TNRC18: variants seen among roughly 807,000 people sequenced by gnomAD.
TNRC18 encodes trinucleotide repeat-containing gene 18 protein.
Under a neutral mutation model 226.7 loss-of-function variants are expected in TNRC18, and 69 were observed. The observed-to-expected ratio is 0.30, with a 90% CI of 0.25 to 0.37. The LOEUF (loss-of-function observed/expected upper bound fraction) is 0.37, where lower values mean the gene tolerates loss of function less well. Ranked by LOEUF, TNRC18 falls within the 10% of genes least tolerant of loss-of-function variation. The pLI is 1.00. For missense variants in TNRC18, 4,754 were observed against 4,256.6 expected, an observed-to-expected ratio of 1.12 and a Z score of -3.25; for synonymous variants, 2,449 against 1,927.6, an observed-to-expected ratio of 1.27 and a Z score of -7.09.
In TNRC18 at chr7:5,309,165, C is replaced by T; in HGVS notation, c.8592G>A (p.Glu2864=). ...GGTGGAACTGCTTGCCCGGGCTGGT[C>T]TCCTCGGGGTGGTAGAACCACTTGA... ...VRVKWFYHPE[E]TSPGKQFHQG... The change falls in exon 28 of 30, where the codon GAG becomes GAA. Residue 2864 remains glutamate, a synonymous_variant. Coordinates refer to ENST00000430969, the MANE Select transcript of TNRC18 (RefSeq NM_001080495.3). This position sits in a 1 kb window ranked among gnomAD's most constrained non-coding sequence, Gnocchi z 5.7. 6.2e-7 allele frequency: 1 copy of T among 1,612,302 alleles called. No individual in the cohort carries two copies. Among genetic ancestry groups the T allele is most frequent in the Non-Finnish European group, 8.5e-7 (1 of 1,179,650 alleles).
At chr7:5,411,487 C>T (rs557485598) in intron 2 of TNRC18, among the ~76,000 whole-genome samples, 338 of 135,042 alleles carry the variant, frequency 2.5e-3, no homozygotes, top group Non-Finnish European at 3.6e-3. Context: ...CATCACACTC[C>T]AGCCTGGGTG....
intron 3 of TNRC18, among the ~76,000 whole-genome samples, chr7:5,392,890 T>C (rs1035719749): frequency 4.6e-5 from 7 of 152,086 alleles, no homozygotes; most frequent in Non-Finnish European, 2.9e-5. Flanking sequence ...TGTGCACCTG[T>C]AGTCGCAGCT....
chr7:5,352,916 C>CG (rs941130695), intron 16 of TNRC18, among the ~76,000 whole-genome samples: 3 of 152,230 alleles, frequency 2.0e-5, no homozygotes, highest in Non-Finnish European at 4.4e-5. Flanking sequence ...CCACTCCAGA[C>CG]GGGGGGAACG....
intron 16 of TNRC18, among the ~76,000 whole-genome samples, chr7:5,352,443 T>G (rs191386723): frequency 6.6e-6 from 1 of 152,208 alleles, no homozygotes; most frequent in East Asian, 1.9e-4. Flanking sequence ...CGGTGGTCAC[T>G]GCCTGTCCCA....
chr7:5,395,258 A>T (rs1562612238), intron 2 of TNRC18, among the ~76,000 whole-genome samples: 1 of 152,126 alleles, frequency 6.6e-6, no homozygotes, highest in African/African-American at 2.4e-5. Flanking sequence ...TTAGGGAATG[A>T]ATCCGTGATG....
At chr7:5,420,454 T>G (rs1476337263) in intron 2 of TNRC18, 1 of 453,714 alleles carries the variant, frequency 2.2e-6, no homozygotes, top group Non-Finnish European at 4.4e-6. Context: ...GGGGTGCAGG[T>G]TCCCAGGGCC....
At chr7:5,343,110 T>A (rs932782919) in intron 18 of TNRC18, among the ~76,000 whole-genome samples, 4 of 152,156 alleles carry the variant, frequency 2.6e-5, no homozygotes, top group African/African-American at 9.7e-5. Context: ...TCCCAGCACT[T>A]TGGGAGGCCG....
At chr7:5,354,167 T>C (rs1488294447) in intron 16 of TNRC18, among the ~76,000 whole-genome samples, 1 of 151,944 alleles carries the variant, frequency 6.6e-6, no homozygotes, top group Admixed American at 6.6e-5. Context: ...CATGCCACCG[T>C]ACTCCAGCCT....
intron 24 of TNRC18, among the ~76,000 whole-genome samples, chr7:5,317,928 G>A (rs190012318): frequency 6.6e-5 from 10 of 152,036 alleles, no homozygotes; most frequent in South Asian, 2.1e-4. Context: ...AGAGTGCAGC[G>A]GTGTGATCTC....
rs1341206762 is a variant in TNRC18 at position 5,371,199 on chromosome 7, G to C, written c.3395C>G (p.Pro1132Arg). The change falls in exon 11 of 30, where the codon CCC becomes CGC. Residue 1132 changes from proline to arginine, a missense_variant. Pro to Arg is a moderately radical substitution (Grantham distance 103). Transcript: ENST00000430969. ...ERLALSPEDK[P>R]IRLSPSKITE... ...GATCTTGGAGGGGGACAAGCGGATG[G>C]GCTTGTCTTCGGGTGAGAGTGCCAG... The C allele has an allele frequency of 5.6e-6, 9 of 1,605,614 alleles. 1 individual carries two copies. The highest frequency in any genetic ancestry group is 1.7e-4 in the Middle Eastern group (1 of 6,030).
intron 11 of TNRC18, among the ~76,000 whole-genome samples, chr7:5,363,606 T>A (rs1164205728): frequency 6.6e-6 from 1 of 151,774 alleles, no homozygotes; most frequent in Non-Finnish European, 1.5e-5. Flanking sequence ...TCCATCTCAA[T>A]CAATCAATCA....
chr7:5,328,428 G>A (rs1789163022), intron 19 of TNRC18, among the ~76,000 whole-genome samples: 1 of 151,924 alleles, frequency 6.6e-6, no homozygotes, highest in Non-Finnish European at 1.5e-5. Flanking sequence ...AGCACTTTGG[G>A]AGGTCGAGGC....
At chr7:5,396,017 A>T (rs1345080551) in intron 2 of TNRC18, among the ~76,000 whole-genome samples, 1 of 138,208 alleles carries the variant, frequency 7.2e-6, no homozygotes, top group Non-Finnish European at 1.6e-5. Flanking sequence ...AAAAAATGCT[A>T]AAAATTAGCT....
intron 17 of TNRC18, among the ~76,000 whole-genome samples, chr7:5,349,365 A>AG (rs1156848056): frequency 1.3e-5 from 2 of 152,150 alleles, no homozygotes; most frequent in African/African-American, 2.4e-5. Flanking sequence ...GGGGACAGGG[A>AG]GGGGGGAAAA....
At chr7:5,345,933 C>T in intron 17 of TNRC18, 123 bp from the exon 18 acceptor site, 1 of 1,361,144 alleles carries the variant, frequency 7.3e-7, no homozygotes, top group Non-Finnish European at 9.7e-7. Context: ...GAGCAGGGGG[C>T]CGCTGGGGGT....
chr7:5,411,228 AAAAAAG>A (rs1455459959), intron 2 of TNRC18, among the ~76,000 whole-genome samples: 2 of 151,630 alleles, frequency 1.3e-5, no homozygotes, highest in South Asian at 2.1e-4. Flanking sequence ...AAAAAAAAAA[AAAAAAG>A]AAAAAAGAAA....
intron 1 of TNRC18, among the ~76,000 whole-genome samples, chr7:5,422,435 CA>C (rs1782639448): frequency 6.6e-6 from 1 of 151,850 alleles, no homozygotes; most frequent in Non-Finnish European, 1.5e-5. Context: ...CCTGTAGTTC[CA>C]GGTTAAAGCT....
At chr7:5,325,312 T>G in intron 19 of TNRC18, 64 bp from the exon 20 acceptor site, 1 of 1,512,886 alleles carries the variant, frequency 6.6e-7, no homozygotes, top group Non-Finnish European at 8.8e-7. Context: ...AGCACCCCTG[T>G]CCCCCTCACT....
At chr7:5,397,890 G>A (rs958761646) in intron 2 of TNRC18, among the ~76,000 whole-genome samples, 7 of 152,100 alleles carry the variant, frequency 4.6e-5, no homozygotes, top group South Asian at 2.1e-4. Context: ...CCTTGAGGGC[G>A]GGGACTATCT....
Sources: gnomAD v4.1 joint callset for allele counts (sites outside exome capture counted in the v4.1 genomes callset) on GRCh38, gnomAD v4.1.1 for gene constraint, Gnocchi (gnomAD v3.1) non-coding constraint, MANE v1.5 for transcripts, NCBI Gene and HGNC (gene_info 2026-07-23, HGNC 2026-07-21) for gene names.